The following SLC39A13 variants were observed in gnomAD, a reference collection of about 807,000 sequenced individuals.
The protein encoded by SLC39A13 is zinc transporter ZIP13.
SLC39A13 carries 18 observed loss-of-function variants against 38.7 expected under a neutral mutation model. The ratio of observed to expected loss-of-function variants is 0.47; its 90% confidence interval spans 0.32 to 0.69. The LOEUF is 0.69. SLC39A13 is among the 30% of genes least tolerant of loss of function. The probability of loss-of-function intolerance (pLI) is 0.03; values close to 1 mark genes in which losing one functional copy is unlikely to be tolerated. For missense variants in SLC39A13, 395 were observed against 490.7 expected (o/e 0.80, Z 1.84); for synonymous variants, 212 against 219.1 (o/e 0.97, Z 0.29).
At chr11:47,414,515 C>A (rs773009718) in intron 7 of SLC39A13, 40 bp downstream of exon 7, 12 of 1,602,534 alleles carry the variant, frequency 7.5e-6, no homozygotes, top group Non-Finnish European at 1.0e-5. Context: ...CCCAGGCCCC[C>A]ACAGTGCCCA....
At chr11:47,412,184 G>C in intron 3 of SLC39A13, 145 bp downstream of exon 3, 2 of 1,284,762 alleles carry the variant, frequency 1.6e-6, no homozygotes, top group South Asian at 2.6e-5. Flanking sequence ...TCATTGTCCT[G>C]GTCTCTGGGC....
At chr11:47,411,849 AGTGAGTGGGG>A in intron 2 of SLC39A13, 67 bp from the exon 3 acceptor site, 4 of 1,411,218 alleles carry the variant, frequency 2.8e-6, no homozygotes, top group Non-Finnish European at 3.9e-6. Flanking sequence ...GAAAGAGCCC[AGTGAGTGGGG>A]TGGGATGAAG....
rs1406072266 is a variant in SLC39A13 at position 47,416,457 on chromosome 11, T to G, written c.*1094T>G. Reference sequence around the variant, plus strand: ...TGATTCCGTTTGTATCTGTAAATATTTGTTCTATAGATAAGATACAAATAA... The same window carrying G: ...TGATTCCGTTTGTATCTGTAAATATGTGTTCTATAGATAAGATACAAATAA... On this transcript the variant is annotated 3_prime_UTR_variant, in exon 10 of 10. Coordinates refer to ENST00000362021, the MANE Select transcript of SLC39A13 (RefSeq NM_001128225.3). The G allele has an allele frequency of 6.6e-6, 1 of 152,284 alleles. No homozygotes were observed. Among genetic ancestry groups the G allele is most frequent in the Non-Finnish European group, 1.5e-5 (1 of 68,034 alleles). 9.4% of individuals were successfully genotyped at this position (152,284 alleles called of 1,614,324 possible).
In SLC39A13 at chr11:47,414,779, G is replaced by A. The variant is rs747750601; in HGVS notation, c.789G>A (p.Val263=). 2 of 1,608,488 alleles carry A rather than the reference G, an allele frequency of 1.2e-6. No individual in the cohort carries two copies. The highest frequency in any genetic ancestry group is 1.7e-6 in the Non-Finnish European group (2 of 1,179,976). The change falls in exon 8 of 10, where the codon GTG becomes GTA. Residue 263 remains valine, a splice_region_variant and synonymous_variant. Transcript: ENST00000362021. ...TGAACCTCTGGACCTCCCTTCAGGT[G>A]GGCGACTTTGCCATCCTGCTCCGGG... is the stretch of plus-strand genomic sequence containing the variant. ...AILLHEIPHE[V]GDFAILLRAG... is the part of the protein sequence containing the mutation.
intron 2 of SLC39A13, among the ~76,000 whole-genome samples, chr11:47,410,988 G>A (rs899474299): frequency 1.5e-4 from 23 of 152,198 alleles, no homozygotes; most frequent in African/African-American, 4.1e-4. Flanking sequence ...GCAGCCCTGC[G>A]GGGTCAGTGC....
intron 2 of SLC39A13, among the ~76,000 whole-genome samples, chr11:47,411,123 C>T (rs1452951519): frequency 6.6e-6 from 1 of 152,208 alleles, no homozygotes; most frequent in Non-Finnish European, 1.5e-5. Context: ...CCACCCCAAA[C>T]CCAGCTGCCT....
chr11:47,407,753 G>A (rs2095977389), upstream of SLC39A13, among the ~76,000 whole-genome samples: 1 of 152,202 alleles, frequency 6.6e-6, no homozygotes. Flanking sequence ...CACCACAATG[G>A]GATAATATGA....
intron 2 of SLC39A13, among the ~76,000 whole-genome samples, chr11:47,411,423 G>C (rs1450129731): frequency 1.3e-5 from 2 of 152,140 alleles, no homozygotes; most frequent in Non-Finnish European, 2.9e-5. Context: ...TGGCCAACAT[G>C]ATGAAACCCC....
In SLC39A13 at chr11:47,410,263, G is replaced by C. The variant is rs2153291239; in HGVS notation, c.169G>C (p.Gly57Arg). 1 of 1,614,146 alleles carries C rather than the reference G, an allele frequency of 6.2e-7. No individual in the cohort carries two copies. The highest frequency in any genetic ancestry group is 8.5e-7 in the Non-Finnish European group (1 of 1,180,006). Residue 57 changes from glycine to arginine, a missense_variant, in exon 2 of 10, where the codon GGG (glycine) becomes CGG (arginine). Physicochemically the swap from Gly to Arg is moderately radical, Grantham distance 125. Coordinates refer to ENST00000362021, the MANE Select transcript of SLC39A13 (RefSeq NM_001128225.3). ...GGACAACAAGGAAAGCGAGTCCTGGGGGGCTCTGCTGAGCGGAGAGCGGCT... is the reference window on the plus strand; with the variant it reads ...GGACAACAAGGAAAGCGAGTCCTGGCGGGCTCTGCTGAGCGGAGAGCGGCT... ...RLDNKESESW[G>R]ALLSGERLDT... is the part of the protein sequence containing the mutation.
In SLC39A13 at chr11:47,415,055, T is replaced by G; in HGVS notation, c.936T>G (p.Ala312=). 2 of 1,613,566 alleles carry G rather than the reference T, an allele frequency of 1.2e-6. No homozygotes were observed. The highest frequency in any genetic ancestry group is 1.7e-5 in the Admixed American group (1 of 59,936). Residue 312 remains alanine, a synonymous_variant, in exon 9 of 10, where the codon GCT becomes GCG. Transcript: ENST00000362021. The part of the protein sequence containing the change: ...SPKGVVGCSP[A]AEETAAWVLP... ...GGTACCCAGTTGGGTGTTCTCCCGC[T>G]GCAGAGGAGACGGCAGCCTGGGTCC... is the stretch of plus-strand genomic sequence containing the variant.
At position 47,410,129 on chromosome 11, in the gene SLC39A13, C is replaced by T. The variant is rs556023069; in HGVS notation, c.35C>T (p.Ala12Val). 52 of 1,613,134 alleles carry T rather than the reference C, an allele frequency of 3.2e-5. No homozygotes were observed. The highest frequency in any genetic ancestry group is 1.7e-4 in the Middle Eastern group (1 of 6,024). Reference protein sequence around the residue: ...PGCPCPGCGMAGPRLLFLTAL... With the variant: ...PGCPCPGCGMVGPRLLFLTAL... ...TGTCCCTGCCCTGGCTGTGGCATGG[C>T]GGGCCCAAGGCTCCTCTTCCTCACT... Residue 12 changes from alanine to valine, a missense_variant, in exon 2 of 10, where the codon GCG (alanine) becomes GTG (valine). Coordinates refer to ENST00000362021, the MANE Select transcript of SLC39A13 (RefSeq NM_001128225.3).
rs917096920 is a variant in SLC39A13 at position 47,414,369 on chromosome 11, A to T, written c.736-56A>T. 2.6e-6 allele frequency: 4 copies of T among 1,563,340 alleles called. No homozygotes were observed. The African/African-American group carries it at 5.4e-5, about 21-fold the overall frequency. Reference sequence around the variant, plus strand: ...TAAACCTCTGTGGAATGAGTGGGCGAGTGGGGTGCTCAGCCCTCAACACAG... The same window carrying T: ...TAAACCTCTGTGGAATGAGTGGGCGTGTGGGGTGCTCAGCCCTCAACACAG... On this transcript the variant is annotated intron_variant, in intron 6 of 9. Coordinates refer to ENST00000362021, the MANE Select transcript of SLC39A13 (RefSeq NM_001128225.3).
At chr11:47,413,788 G>A (rs755186284) in intron 6 of SLC39A13, 102 bp downstream of exon 6, 26 of 1,288,396 alleles carry the variant, frequency 2.0e-5, no homozygotes, top group South Asian at 1.4e-4. Flanking sequence ...CATTGCCAGC[G>A]CCCTCATCTA....
chr11:47,415,200 G>A (rs1175502159), intron 9 of SLC39A13, 41 bp downstream of exon 9: 2 of 1,612,368 alleles, frequency 1.2e-6, no homozygotes, highest in South Asian at 1.1e-5. Flanking sequence ...CACTCACAGG[G>A]CCCTTAGGGG....
At chr11:47,414,753 G>T in intron 7 of SLC39A13, 24 bp from the exon 8 acceptor site, 1 of 1,604,534 alleles carries the variant, frequency 6.2e-7, no homozygotes, top group Non-Finnish European at 8.5e-7. Flanking sequence ...GGGGCGCAGG[G>T]TGAACCTCTG....
chr11:47,414,204 C>A, intron 6 of SLC39A13: 1 of 622,134 alleles, frequency 1.6e-6, no homozygotes, highest in South Asian at 1.9e-5. Context: ...TCCTTCCCAG[C>A]GCCTGTGAGT....
chr11:47,411,078 C>T (rs1421389581), intron 2 of SLC39A13, among the ~76,000 whole-genome samples: 4 of 152,208 alleles, frequency 2.6e-5, no homozygotes, highest in Admixed American at 2.6e-4. Context: ...AGTCCAAGGT[C>T]ACCCAGCCAG....
intron 2 of SLC39A13, among the ~76,000 whole-genome samples, chr11:47,411,342 CA>C (rs1239673983): frequency 1.3e-5 from 2 of 152,204 alleles, no homozygotes; most frequent in African/African-American, 2.4e-5. Flanking sequence ...AAAAGGCTCA[CA>C]GCTGTAATCT....
At position 47,412,356 on chromosome 11, in the gene SLC39A13, G is replaced by C; in HGVS notation, c.426G>C (p.Gly142=). The change falls in exon 4 of 10, where the codon GGG becomes GGC. Residue 142 remains glycine, a synonymous_variant. Transcript: ENST00000362021. ...YTCSASPGGE[G]QSLQQQQQLG... The stretch of plus-strand genomic sequence containing the variant: ...TGCCGCCCCCTGCAGGTGGTGAGGG[G>C]CAGAGCCTGCAGCAGCAGCAACAGC... 1 of 1,613,724 alleles carries C rather than the reference G, an allele frequency of 6.2e-7. No homozygotes were observed. The highest frequency in any genetic ancestry group is 8.5e-7 in the Non-Finnish European group (1 of 1,179,800).
Sources: allele counts gnomAD v4.1 joint callset (sites outside exome capture counted in the v4.1 genomes callset), GRCh38; gene constraint gnomAD v4.1.1; transcripts MANE v1.5; gene names NCBI Gene and HGNC (gene_info 2026-07-23, HGNC 2026-07-21).